The following WDFY2 variants were observed in gnomAD, a reference collection of about 807,000 sequenced individuals.
WDFY2 encodes the protein WD repeat and FYVE domain containing 2, also known as WD repeat and FYVE domain-containing protein 2.
In WDFY2, 36 loss-of-function variants were observed where a neutral mutation model predicts 56.4. The observed-to-expected ratio is 0.64, with a 90% CI of 0.49 to 0.84. WDFY2 has a LOEUF of 0.84. WDFY2 is among the 40% of genes least tolerant of loss of function. The pLI, the probability that WDFY2 is intolerant of heterozygous loss-of-function variation, is 0.00. For missense variants in WDFY2, 444 were observed against 512.2 expected (o/e 0.87, Z 1.29); for synonymous variants, 176 against 183.7 (o/e 0.96, Z 0.34).
chr13:51,667,317 T>C (rs1420760596), intron 2 of WDFY2, among the ~76,000 whole-genome samples: 1 of 152,148 alleles, frequency 6.6e-6, no homozygotes, highest in Non-Finnish European at 1.5e-5. Context: ...ATTTGGAAAA[T>C]TAAGTTGATT....
intron 1 of WDFY2, among the ~76,000 whole-genome samples, chr13:51,641,893 G>A (rs1011084395): frequency 6.6e-6 from 1 of 151,100 alleles, no homozygotes; most frequent in Non-Finnish European, 1.5e-5. Context: ...GAAAATGGGA[G>A]TGTAGTTGAG....
rs1953733063 is a variant in WDFY2, at chr13:51,765,936, A to C, written c.*6167A>C. 6.6e-6 allele frequency: 1 copy of C among 152,160 alleles called. No homozygotes were observed. Among genetic ancestry groups the C allele is most frequent in the East Asian group, 1.9e-4 (1 of 5,202 alleles). The allele number at this position is 152,160 out of a possible 1,614,324, so 9.4% of individuals were successfully genotyped here. On this transcript the variant is annotated 3_prime_UTR_variant, in exon 12 of 12. Transcript: ENST00000298125. ...AGAATTGCAGGTTGGCTGAAAAGTT[A>C]GATTGAGAATCTGACCTTGTTACTT... is the stretch of plus-strand genomic sequence containing the variant.
At chr13:51,742,099 T>C (rs1443563245) in intron 7 of WDFY2, among the ~76,000 whole-genome samples, 10 of 152,186 alleles carry the variant, frequency 6.6e-5, no homozygotes, top group South Asian at 2.1e-4. Context: ...GGAGACTGCC[T>C]TTCCTTGGTA....
intron 6 of WDFY2, 68 bp from the exon 7 acceptor site, chr13:51,738,981 A>G (rs1952903064): frequency 1.9e-5 from 27 of 1,414,006 alleles, no homozygotes; most frequent in Non-Finnish European, 2.1e-5. Context: ...TCTCCGCTGC[A>G]TTCACATTTC....
At chr13:51,740,697 G>T in intron 7 of WDFY2, among the ~76,000 whole-genome samples, 1 of 146,466 alleles carries the variant, frequency 6.8e-6, no homozygotes, top group Admixed American at 7.0e-5. Context: ...CTGGGCAACA[G>T]AGCAAGACTC....
chr13:51,625,936 A>G (rs765031196), intron 1 of WDFY2, among the ~76,000 whole-genome samples: 7 of 152,206 alleles, frequency 4.6e-5, no homozygotes, highest in Non-Finnish European at 1.0e-4. Context: ...CATTGTTTAT[A>G]TATTTATAAA....
intron 10 of WDFY2, among the ~76,000 whole-genome samples, chr13:51,757,510 CATG>C (rs974742992): frequency 1.3e-5 from 2 of 151,538 alleles, no homozygotes; most frequent in African/African-American, 4.8e-5. Flanking sequence ...CCCCTTGAAG[CATG>C]ATAAGAGCAG....
chr13:51,735,962 A>T (rs1952825290), intron 6 of WDFY2, among the ~76,000 whole-genome samples: 2 of 151,656 alleles, frequency 1.3e-5, no homozygotes, highest in Admixed American at 6.6e-5. Context: ...GTTGCCAAGA[A>T]CTCCCCTTCC....
At chr13:51,637,152 A>C (rs1228093050) in intron 1 of WDFY2, among the ~76,000 whole-genome samples, 2 of 152,242 alleles carry the variant, frequency 1.3e-5, no homozygotes, top group Non-Finnish European at 2.9e-5. Flanking sequence ...CAGTTGCCTA[A>C]GCAGGAGGCC....
chr13:51,630,457 CCTTT>C (rs934476811), intron 1 of WDFY2, among the ~76,000 whole-genome samples: 3 of 150,322 alleles, frequency 2.0e-5, no homozygotes, highest in East Asian at 1.9e-4. Flanking sequence ...GGTAGAGTTC[CCTTT>C]CTTTCTTTTT....
At chr13:51,657,670 C>A (rs1166052325) in intron 1 of WDFY2, among the ~76,000 whole-genome samples, 2 of 152,112 alleles carry the variant, frequency 1.3e-5, no homozygotes, top group African/African-American at 4.8e-5. Context: ...TCTTCTCAGA[C>A]TGGGAAATTT....
chr13:51,599,376 C>G (rs1954221734), intron 1 of WDFY2: 1 of 153,036 alleles, frequency 6.5e-6, no homozygotes. Flanking sequence ...CAGAGAATCT[C>G]TGCACAGCAA....
chr13:51,640,362 T>C (rs1245497362), intron 1 of WDFY2, among the ~76,000 whole-genome samples: 1 of 152,224 alleles, frequency 6.6e-6, no homozygotes, highest in Non-Finnish European at 1.5e-5. Flanking sequence ...ATATCCGTCA[T>C]GCAGCTTTAG....
rs771124450 is a variant in WDFY2, at chr13:51,760,854, CACTT to C, written c.*1086_*1089del. The C allele has an allele frequency of 1.4e-4, 22 of 152,470 alleles. No homozygotes were observed. The highest frequency in any genetic ancestry group is 1.0e-3 in the South Asian group (5 of 4,824). 9.4% of individuals were successfully genotyped at this position (152,470 alleles called of 1,614,324 possible). ...ATGGGAGGCGGAGCCCAGGCAGTAA[CACTT>C]GCTTGCCCACTGCTCACGTCTGATG... On this transcript the variant is annotated 3_prime_UTR_variant, in exon 12 of 12. Coordinates refer to ENST00000298125, the MANE Select transcript of WDFY2 (RefSeq NM_052950.4).
intron 6 of WDFY2, among the ~76,000 whole-genome samples, chr13:51,735,464 G>A (rs1426488892): frequency 6.6e-6 from 1 of 152,164 alleles, no homozygotes; most frequent in Admixed American, 6.5e-5. Flanking sequence ...GCTTCCTGGA[G>A]GGAGAAAAAG....
chr13:51,604,142 C>G (rs1954340421), intron 1 of WDFY2, among the ~76,000 whole-genome samples: 1 of 152,100 alleles, frequency 6.6e-6, no homozygotes, highest in Admixed American at 6.5e-5. Flanking sequence ...CAGGACCAAG[C>G]ATAGTATTAA....
At chr13:51,644,820 G>C (rs1441261184) in intron 1 of WDFY2, among the ~76,000 whole-genome samples, 1 of 152,192 alleles carries the variant, frequency 6.6e-6, no homozygotes, top group Non-Finnish European at 1.5e-5. Flanking sequence ...CCAGAGGCTG[G>C]ACAATACTGG....
At chr13:51,675,316 T>C in intron 3 of WDFY2, 73 bp downstream of exon 3, 1 of 1,373,002 alleles carries the variant, frequency 7.3e-7, no homozygotes, top group Non-Finnish European at 1.0e-6. Context: ...TATTTATTAG[T>C]TTTTTCAAGT....
intron 7 of WDFY2, among the ~76,000 whole-genome samples, chr13:51,750,537 CAA>C (rs61355886): frequency 2.2e-5 from 3 of 139,306 alleles, no homozygotes; most frequent in Non-Finnish European, 1.5e-5. Context: ...GACGAACATA[CAA>C]AAAAAAAAAA....
Sources: gnomAD v4.1 joint callset for allele counts (sites outside exome capture counted in the v4.1 genomes callset) on GRCh38, gnomAD v4.1.1 for gene constraint, MANE v1.5 for transcripts, NCBI Gene and HGNC (gene_info 2026-07-23, HGNC 2026-07-21) for gene names.